Variants in TTC27 observed in about 807,000 individuals in gnomAD.
TTC27 encodes the protein tetratricopeptide repeat domain 27, also known as tetratricopeptide repeat protein 27.
A neutral mutation model predicts 115.9 loss-of-function variants in TTC27; 79 were observed. That is an observed-to-expected ratio of 0.68 (90% CI 0.57 to 0.82). The LOEUF is 0.82. Ranked by LOEUF, TTC27 falls within the 40% of genes least tolerant of loss-of-function variation. The pLI is 0.00. For synonymous variants in TTC27, 401 were observed against 356.0 expected (o/e 1.13, Z -1.42); for missense variants, 1,054 against 993.1 (o/e 1.06, Z -0.82).
chr2:32,682,220 C>T (rs1317946315), intron 9 of TTC27, among the ~76,000 whole-genome samples: 1 of 152,008 alleles, frequency 6.6e-6, no homozygotes, highest in Non-Finnish European at 1.5e-5. Flanking sequence ...TATTCAAGAG[C>T]TGTGTCACTT....
chr2:32,637,220 T>C (rs1664461927), intron 3 of TTC27, among the ~76,000 whole-genome samples: 1 of 152,246 alleles, frequency 6.6e-6, no homozygotes, highest in African/African-American at 2.4e-5. Flanking sequence ...AATTACTTGT[T>C]TGTTCTTTAT....
At chr2:32,648,132 T>A (rs1382597120) in intron 4 of TTC27, among the ~76,000 whole-genome samples, 1 of 152,068 alleles carries the variant, frequency 6.6e-6, no homozygotes, top group Non-Finnish European at 1.5e-5. Context: ...TCACCGTATA[T>A]ACTTTTTTTT....
intron 10 of TTC27, among the ~76,000 whole-genome samples, chr2:32,731,024 G>A (rs1251278156): frequency 6.6e-6 from 1 of 152,172 alleles, no homozygotes; most frequent in African/African-American, 2.4e-5. Context: ...AATATTTTCT[G>A]TGCAGGAGTG....
chr2:32,727,980 G>A (rs1338078783), intron 10 of TTC27, among the ~76,000 whole-genome samples: 2 of 151,428 alleles, frequency 1.3e-5, no homozygotes, highest in African/African-American at 4.8e-5. Context: ...CCCAAAGTGT[G>A]ACTGATTAAG....
chr2:32,666,625 G>A lies in TTC27; in HGVS notation c.806-10G>A. 6.2e-7 allele frequency: 1 copy of A among 1,613,456 alleles called. No individual in the cohort carries two copies. Among genetic ancestry groups the A allele is most frequent in the African/African-American group, 1.3e-5 (1 of 74,976 alleles). ...GTAAGTCAGTAGATATAATTTTATT[G>A]TTTTTTCAGGTGCTTTGGGAAAAAG... On this transcript the variant is annotated splice_polypyrimidine_tract_variant and intron_variant, in intron 6 of 19. Transcript: ENST00000317907.
intron 14 of TTC27, among the ~76,000 whole-genome samples, chr2:32,780,850 GT>G (rs141309612): frequency 0.39 from 55,493 of 143,032 alleles, 10,632 homozygotes; most frequent in South Asian, 0.49. Flanking sequence ...TCTAGTAGGT[GT>G]TTTTTTTTTT....
At chr2:32,644,840 C>G (rs1452504059) in intron 4 of TTC27, among the ~76,000 whole-genome samples, 1 of 110,194 alleles carries the variant, frequency 9.1e-6, no homozygotes, top group Admixed American at 1.0e-4. Context: ...TTCCTTCGTT[C>G]CTTCCTTTCT....
At chr2:32,680,442 T>A (rs947710872) in intron 9 of TTC27, among the ~76,000 whole-genome samples, 1 of 152,116 alleles carries the variant, frequency 6.6e-6, no homozygotes, top group African/African-American at 2.4e-5. Flanking sequence ...AACCAGCTAT[T>A]TCACAGAAGT....
chr2:32,750,346 G>C (rs1244461775), intron 12 of TTC27, among the ~76,000 whole-genome samples: 5 of 152,186 alleles, frequency 3.3e-5, no homozygotes, highest in African/African-American at 1.2e-4. Context: ...GGGATCTGCA[G>C]AGCATCTCCA....
intron 13 of TTC27, among the ~76,000 whole-genome samples, chr2:32,760,126 A>G (rs1285932862): frequency 6.6e-6 from 1 of 152,208 alleles, no homozygotes; most frequent in East Asian, 1.9e-4. Context: ...AAAAATCAGA[A>G]GTGCATTTTC....
At chr2:32,705,273 T>G (rs554668428) in intron 10 of TTC27, among the ~76,000 whole-genome samples, 1 of 152,278 alleles carries the variant, frequency 6.6e-6, no homozygotes, top group Admixed American at 6.5e-5. Flanking sequence ...TTCCTGAGGC[T>G]TCATCAGTAG....
At chr2:32,634,717 C>T (rs540343711) in intron 3 of TTC27, among the ~76,000 whole-genome samples, 9 of 151,940 alleles carry the variant, frequency 5.9e-5, no homozygotes, top group Non-Finnish European at 1.0e-4. Context: ...AGTACAATGG[C>T]GCGATCTCAG....
chr2:32,649,401 G>C (rs1190481188), intron 4 of TTC27, among the ~76,000 whole-genome samples: 1 of 151,764 alleles, frequency 6.6e-6, no homozygotes, highest in Admixed American at 6.6e-5. Context: ...AGTGGAATGT[G>C]TTTGCAAGGG....
At chr2:32,803,335 A>G (rs1367328211) in intron 16 of TTC27, among the ~76,000 whole-genome samples, 3 of 152,296 alleles carry the variant, frequency 2.0e-5, no homozygotes, top group South Asian at 4.1e-4. Context: ...CTTGATGTGC[A>G]CATATGGTCC....
At chr2:32,660,093 T>C (rs1280184630) in intron 5 of TTC27, among the ~76,000 whole-genome samples, 1 of 152,248 alleles carries the variant, frequency 6.6e-6, no homozygotes, top group Admixed American at 6.5e-5. Context: ...ATCGCCACAC[T>C]GTGTTCCACA....
chr2:32,740,352 TG>T (rs1188453467), intron 12 of TTC27, among the ~76,000 whole-genome samples: 1 of 152,196 alleles, frequency 6.6e-6, no homozygotes, highest in Non-Finnish European at 1.5e-5. Flanking sequence ...ATTGTAATCA[TG>T]GACTCTTAAA....
intron 13 of TTC27, among the ~76,000 whole-genome samples, chr2:32,771,103 G>A (rs924918793): frequency 1.3e-5 from 2 of 152,154 alleles, no homozygotes; most frequent in South Asian, 2.1e-4. Flanking sequence ...TGCTACCATA[G>A]ACCTGATTCT....
In TTC27 at chr2:32,688,582, ACC is replaced by A. The variant is rs1666714280; in HGVS notation, c.1119+9661_1119+9662del. 9.2e-5 allele frequency among the ~76,000 whole-genome samples: 14 copies of A among 152,280 alleles called. 1 individual carries two copies. Among genetic ancestry groups the A allele is most frequent in the Admixed American group, 8.5e-4 (13 of 15,288 alleles). On this transcript the variant is annotated intron_variant, in intron 9 of 19. Coordinates refer to ENST00000317907, the MANE Select transcript of TTC27 (RefSeq NM_017735.5). Reference sequence around the variant, plus strand: ...CCTTTCAACTCAATAGTAGAAACCAACCAATTAAATATGGATAAAATATTTGA... The same window carrying A: ...CCTTTCAACTCAATAGTAGAAACCAAAATTAAATATGGATAAAATATTTGA...
In TTC27 at chr2:32,728,022, C is replaced by CTGAGAGG. The variant is rs199806693; in HGVS notation, c.1234-5805_1234-5799dup. The stretch of plus-strand genomic sequence containing the variant: ...GCTGCATGATAGCCATCTGGGCCTC[C>CTGAGAGG]TGAGAGGACTGCCTCTTTTTTTTTT... On this transcript the variant is annotated intron_variant, in intron 10 of 19. Coordinates refer to ENST00000317907, the MANE Select transcript of TTC27 (RefSeq NM_017735.5). 9.2e-3 allele frequency among the ~76,000 whole-genome samples: 1,376 copies of CTGAGAGG among 149,654 alleles called. 11 individuals carry two copies. The highest frequency in any genetic ancestry group is 0.024 in the Middle Eastern group (7 of 288).
Sources: gnomAD v4.1 joint callset for allele counts (sites outside exome capture counted in the v4.1 genomes callset) on GRCh38, gnomAD v4.1.1 for gene constraint, MANE v1.5 for transcripts, NCBI Gene and HGNC (gene_info 2026-07-23, HGNC 2026-07-21) for gene names.